CCDC148: variants seen among roughly 807,000 people sequenced by gnomAD.
CCDC148 encodes coiled-coil domain containing 148, also known as coiled-coil domain-containing protein 148.
A neutral mutation model predicts 85.7 loss-of-function variants in CCDC148; 89 were observed. The observed-to-expected ratio is 1.04, with a 90% confidence interval of 0.87 to 1.24. The LOEUF is 1.24. Among genes scored for constraint, CCDC148 ranks in the 50% most tolerant of loss-of-function variants. The pLI is 0.00. For missense variants in CCDC148, 692 were observed against 671.7 expected, an observed-to-expected ratio of 1.03 and a Z score of -0.33; for synonymous variants, 230 against 213.9, an observed-to-expected ratio of 1.08 and a Z score of -0.66.
At chr2:158,435,999 G>C (rs1687632881) in intron 1 of CCDC148, among the ~76,000 whole-genome samples, 2 of 152,154 alleles carry the variant, frequency 1.3e-5, no homozygotes. Flanking sequence ...GACCTACAAA[G>C]AGACTTAGAC....
chr2:158,318,332 T>C (rs1453089091), intron 7 of CCDC148, among the ~76,000 whole-genome samples: 2 of 152,074 alleles, frequency 1.3e-5, no homozygotes, highest in African/African-American at 4.8e-5. Flanking sequence ...AGCTGGAAGG[T>C]GACAACCAGA....
intron 10 of CCDC148, among the ~76,000 whole-genome samples, chr2:158,225,979 GACAC>G (rs2105307646): frequency 6.6e-6 from 1 of 152,246 alleles, no homozygotes; most frequent in Non-Finnish European, 1.5e-5. Context: ...GGGAAATAGA[GACAC>G]AAAAACCCTT....
chr2:158,197,701 T>C (rs1685746393), intron 11 of CCDC148, among the ~76,000 whole-genome samples: 1 of 152,154 alleles, frequency 6.6e-6, no homozygotes, highest in Non-Finnish European at 1.5e-5. Context: ...TAACCTGCTA[T>C]GCATAATTTA....
chr2:158,342,164 G>A (rs1200940982), intron 3 of CCDC148, among the ~76,000 whole-genome samples: 1 of 150,910 alleles, frequency 6.6e-6, no homozygotes, highest in Non-Finnish European at 1.5e-5. Context: ...CAAGTAGCTG[G>A]GACTACAGGT....
At chr2:158,429,291 T>TA (rs1225936062) in intron 1 of CCDC148, among the ~76,000 whole-genome samples, 1 of 151,736 alleles carries the variant, frequency 6.6e-6, no homozygotes. Context: ...ATAATAATAA[T>TA]AAAAAAATAA....
chr2:158,414,011 A>C lies in CCDC148; in HGVS notation c.25+42404T>G, dbSNP rs567743152. 5.9e-5 allele frequency among the ~76,000 whole-genome samples: 9 copies of C among 152,342 alleles called. No homozygotes were observed. The South Asian group carries it at 1.9e-3, about 32-fold the overall frequency. On this transcript the variant is annotated intron_variant, in intron 1 of 13. Coordinates refer to ENST00000283233, the MANE Select transcript of CCDC148 (RefSeq NM_138803.4). ...AATCAAGGAAGTTGTTAAAGGAGAA[A>C]AGGCAGTGTCACCCAAATAGAAAGT...
intron 8 of CCDC148, among the ~76,000 whole-genome samples, chr2:158,312,057 C>A (rs1559062827): frequency 6.6e-6 from 1 of 152,122 alleles, no homozygotes; most frequent in Admixed American, 6.5e-5. Flanking sequence ...TAGACCATGA[C>A]TCTGAATTTA....
chr2:158,203,766 G>A (rs1316836672), intron 11 of CCDC148, among the ~76,000 whole-genome samples: 2 of 152,148 alleles, frequency 1.3e-5, no homozygotes, highest in African/African-American at 4.8e-5. Context: ...AAGATAGCAA[G>A]TTCAACATCA....
In CCDC148 at chr2:158,171,982, A is replaced by G. The variant is rs1684337914; in HGVS notation, c.*131T>C. The G allele has an allele frequency of 1.5e-6, 1 of 676,168 alleles. No individual in the cohort carries two copies. The highest frequency in any genetic ancestry group is 1.9e-5 in the African/African-American group (1 of 52,722). The allele number at this position is 676,168 out of a possible 1,614,324, so 41.9% of individuals were successfully genotyped here. ...TTCTAAGAATCACAAAAGAAAGGCA[A>G]AGTTGTTTTAATAGATGCTATGATT... On this transcript the variant is annotated 3_prime_UTR_variant, in exon 14 of 14. Coordinates refer to ENST00000283233, the MANE Select transcript of CCDC148 (RefSeq NM_138803.4).
chr2:158,436,290 G>A (rs1443073232), intron 1 of CCDC148, among the ~76,000 whole-genome samples: 1 of 152,190 alleles, frequency 6.6e-6, no homozygotes, highest in Non-Finnish European at 1.5e-5. Flanking sequence ...TCGGACCACA[G>A]TGCAATCAAA....
In CCDC148 at chr2:158,309,408, C is replaced by G. The variant is rs940251788; in HGVS notation, c.1110+25G>C. On this transcript the variant is annotated intron_variant, in intron 9 of 13. Coordinates refer to ENST00000283233, the MANE Select transcript of CCDC148 (RefSeq NM_138803.4). ...GGATTCTTAAATATCCAGACAAATA[C>G]TGAAACACCTGTGCAGCATCTTACC... 14 of 1,576,162 alleles carry G rather than the reference C, an allele frequency of 8.9e-6. No individual in the cohort carries two copies. In the African/African-American group the frequency reaches 1.2e-4, roughly 14 times the overall value.
At chr2:158,391,483 C>G (rs1180278452) in intron 1 of CCDC148, among the ~76,000 whole-genome samples, 2 of 152,078 alleles carry the variant, frequency 1.3e-5, no homozygotes, top group East Asian at 1.9e-4. Context: ...TTGTTTTGCT[C>G]TATTAAAATA....
chr2:158,279,410 C>T (rs908470438), intron 9 of CCDC148, among the ~76,000 whole-genome samples: 5 of 152,096 alleles, frequency 3.3e-5, no homozygotes, highest in Non-Finnish European at 5.9e-5. Flanking sequence ...ACAAGAATAA[C>T]TAATACAGAG....
chr2:158,452,279 GAA>G (rs1467801918), intron 1 of CCDC148, among the ~76,000 whole-genome samples: 1 of 152,106 alleles, frequency 6.6e-6, no homozygotes, highest in East Asian at 1.9e-4. Flanking sequence ...GGTGAGGGGG[GAA>G]GTTAGGAAAG....
rs114163794 is a variant in CCDC148 at position 158,194,886 on chromosome 2, C to T, written c.1371-15890G>A. ...TATTCTCTTTCCAGCATCCCATCCC[C>T]CATCTGCTCATCCACACTTTTTTGG... On this transcript the variant is annotated intron_variant, in intron 11 of 13. Coordinates refer to ENST00000283233, the MANE Select transcript of CCDC148 (RefSeq NM_138803.4). 7.3e-3 allele frequency among the ~76,000 whole-genome samples: 1,111 copies of T among 152,120 alleles called. 14 individuals carry two copies. The highest frequency in any genetic ancestry group is 0.025 in the African/African-American group (1,046 of 41,506).
intron 2 of CCDC148, among the ~76,000 whole-genome samples, chr2:158,351,312 C>T (rs537982366): frequency 6.1e-4 from 93 of 152,326 alleles, no homozygotes; most frequent in African/African-American, 2.1e-3. Context: ...TCTGCATTTC[C>T]ATCTGAGGTA....
chr2:158,341,942 T>C (rs1333591526), intron 3 of CCDC148, among the ~76,000 whole-genome samples: 5 of 151,060 alleles, frequency 3.3e-5, no homozygotes, highest in Non-Finnish European at 7.4e-5. Context: ...AACTTTTTTT[T>C]TAGATATTTC....
intron 1 of CCDC148, among the ~76,000 whole-genome samples, chr2:158,375,713 A>G (rs1211624271): frequency 6.6e-6 from 1 of 152,162 alleles, no homozygotes; most frequent in African/African-American, 2.4e-5. Flanking sequence ...ACATGACTAG[A>G]GAGAGGTCTG....
intron 1 of CCDC148, among the ~76,000 whole-genome samples, chr2:158,406,553 C>T (rs567069701): frequency 6.7e-6 from 1 of 150,362 alleles, no homozygotes; most frequent in Non-Finnish European, 1.5e-5. Context: ...TATACACTTT[C>T]GGTAAGTAAT....
Sources: allele counts gnomAD v4.1 joint callset (sites outside exome capture counted in the v4.1 genomes callset), GRCh38; gene constraint gnomAD v4.1.1; transcripts MANE v1.5; gene names NCBI Gene and HGNC (gene_info 2026-07-23, HGNC 2026-07-21).